The following EPB41L4A variants were observed in gnomAD, a reference collection of about 807,000 sequenced individuals.
EPB41L4A encodes band 4.1-like protein 4A.
EPB41L4A carries 100 observed loss-of-function variants against 108.6 expected under a neutral mutation model. The ratio of observed to expected loss-of-function variants is 0.92; its 90% confidence interval spans 0.78 to 1.09. The LOEUF is 1.09. Ranked by LOEUF, EPB41L4A falls within the 50% of genes least tolerant of loss-of-function variation. The pLI, the probability that EPB41L4A is intolerant of heterozygous loss-of-function variation, is 0.00. For synonymous variants in EPB41L4A, 319 were observed against 289.0 expected (o/e 1.10, Z -1.05); for missense variants, 1,030 against 842.7 (o/e 1.22, Z -2.75).
At chr5:112,275,559 T>C (rs918849555) in intron 3 of EPB41L4A, among the ~76,000 whole-genome samples, 155 bp from the exon 4 acceptor site, 9 of 152,124 alleles carry the variant, frequency 5.9e-5, no homozygotes, top group Non-Finnish European at 1.0e-4. Context: ...ACTGTGACGA[T>C]AGGACCTCGA....
downstream of EPB41L4A, chr5:112,161,392 C>T (rs751656380): frequency 4.1e-5 from 17 of 418,362 alleles, no homozygotes; most frequent in Non-Finnish European, 7.5e-5. Context: ...GAGAAAATTT[C>T]TCTGAAATGT....
chr5:112,376,894 A>T (rs1222197265), intron 1 of EPB41L4A, among the ~76,000 whole-genome samples: 1 of 152,204 alleles, frequency 6.6e-6, no homozygotes, highest in Admixed American at 6.5e-5. Flanking sequence ...GGCAAGGAAG[A>T]GAGTACGTCT....
intron 13 of EPB41L4A, among the ~76,000 whole-genome samples, chr5:112,207,861 G>A (rs1404331593): frequency 6.6e-6 from 1 of 152,138 alleles, no homozygotes; most frequent in Non-Finnish European, 1.5e-5. Context: ...AAGCAGTTTG[G>A]AGATTTCTCA....
chr5:112,182,953 G>C (rs559625637), intron 18 of EPB41L4A, among the ~76,000 whole-genome samples: 1 of 152,122 alleles, frequency 6.6e-6, no homozygotes, highest in Admixed American at 6.5e-5. Context: ...ACTATTTGCA[G>C]GTTTTCTATT....
In EPB41L4A at chr5:112,168,759, CA is replaced by C; in HGVS notation, c.1911del (p.Asp639MetfsTer15). The C allele has an allele frequency of 6.2e-7, 1 of 1,613,960 alleles. No homozygotes were observed. Among genetic ancestry groups the C allele is most frequent in the Non-Finnish European group, 8.5e-7 (1 of 1,179,830 alleles). On this transcript the variant is annotated frameshift_variant, in exon 22 of 23. Transcript: ENST00000261486. LOFTEE classifies it high-confidence loss of function. ...CTAACCTGATGAACTGTAGCATCCC[CA>C]GAACCCTGAGCATCCGAAGAACGGG... ...PVTRSSDAQG[S>X]GDATVHQRRN...
chr5:112,419,078 C>T lies in EPB41L4A; in HGVS notation c.-39G>A. The T allele has an allele frequency of 1.3e-6, 2 of 1,507,002 alleles. No homozygotes were observed. Among genetic ancestry groups the T allele is most frequent in the Non-Finnish European group, 1.8e-6 (2 of 1,084,766 alleles). 93.4% of individuals were successfully genotyped at this position (1,507,002 alleles called of 1,614,324 possible). A position where few individuals can be genotyped will look rare whatever the true frequency, so the allele number is the denominator to read the frequency against. On this transcript the variant is annotated 5_prime_UTR_variant, in exon 1 of 23. Coordinates refer to ENST00000261486, the MANE Select transcript of EPB41L4A (RefSeq NM_022140.5). ...GTCTCCAGCCAGGAGAGAAAGCTACCACCGAGGCGCCCAGCCGCCCCCTCC... is the reference window on the plus strand; with the variant it reads ...GTCTCCAGCCAGGAGAGAAAGCTACTACCGAGGCGCCCAGCCGCCCCCTCC...
At chr5:112,204,193 C>T (rs1561472654) in intron 15 of EPB41L4A, among the ~76,000 whole-genome samples, 182 bp downstream of exon 15, 1 of 151,932 alleles carries the variant, frequency 6.6e-6, no homozygotes, top group East Asian at 1.9e-4. Context: ...TTCTCTAAAA[C>T]TCTGGCTGTT....
At chr5:112,306,980 T>TA (rs1754730210) in intron 2 of EPB41L4A, among the ~76,000 whole-genome samples, 1 of 152,114 alleles carries the variant, frequency 6.6e-6, no homozygotes, top group East Asian at 1.9e-4. Flanking sequence ...CTTTTTTTTT[T>TA]ACACTGTTAT....
chr5:112,176,857 C>T (rs1760895044), intron 18 of EPB41L4A, among the ~76,000 whole-genome samples: 1 of 144,136 alleles, frequency 6.9e-6, no homozygotes, highest in African/African-American at 2.6e-5. Context: ...CAGCTTCAAG[C>T]AATTCTCCTG....
intron 1 of EPB41L4A, among the ~76,000 whole-genome samples, chr5:112,344,146 T>C (rs931420535): frequency 6.6e-6 from 1 of 151,912 alleles, no homozygotes; most frequent in Middle Eastern, 3.2e-3. Context: ...TATGGTTTTT[T>C]AAAAAATAAA....
At chr5:112,383,040 C>T (rs771852288) in intron 1 of EPB41L4A, among the ~76,000 whole-genome samples, 2 of 152,140 alleles carry the variant, frequency 1.3e-5, no homozygotes, top group Admixed American at 1.3e-4. Context: ...GTAATAAATG[C>T]CAATCAAGAC....
In EPB41L4A at chr5:112,320,426, G is replaced by T. The variant is rs191877434; in HGVS notation, c.100-12936C>A. ...AAAGTGACCCAAGAAACATTTCACTGAAGTCATTTTAACATTTATAACCAT... is the reference window on the plus strand; with the variant it reads ...AAAGTGACCCAAGAAACATTTCACTTAAGTCATTTTAACATTTATAACCAT... On this transcript the variant is annotated intron_variant, in intron 1 of 22. Transcript: ENST00000261486. Among the ~76,000 whole-genome samples, 5 of 152,266 alleles carry T rather than the reference G, an allele frequency of 3.3e-5. No homozygotes were observed. The East Asian group carries it at 9.6e-4, about 29-fold the overall frequency.
At chr5:112,181,459 AAAAT>A (rs1318317896) in intron 18 of EPB41L4A, among the ~76,000 whole-genome samples, 1 of 151,864 alleles carries the variant, frequency 6.6e-6, no homozygotes, top group African/African-American at 2.4e-5. Context: ...TCAAAAAAAA[AAAAT>A]AAATAAACAC....
At chr5:112,245,921 G>C (rs1228606321) in intron 9 of EPB41L4A, among the ~76,000 whole-genome samples, 2 of 152,228 alleles carry the variant, frequency 1.3e-5, no homozygotes, top group East Asian at 3.8e-4. Context: ...ACCCAGAAAA[G>C]TCAAATCGAG....
rs1369395616 is a variant in EPB41L4A, at chr5:112,191,417, A to G, written c.1502+3151T>C. 2.0e-5 allele frequency among the ~76,000 whole-genome samples: 3 copies of G among 152,328 alleles called. No individual in the cohort carries two copies. In the East Asian group the frequency reaches 5.8e-4, roughly 29 times the overall value. On this transcript the variant is annotated intron_variant, in intron 17 of 22. Coordinates refer to ENST00000261486, the MANE Select transcript of EPB41L4A (RefSeq NM_022140.5). ...CTAAACAACAATCTTTGCTTCTAAC[A>G]TTAGCCTTCCAGAGCTGGTGTGGAT...
At chr5:112,327,962 T>A (rs1756288070) in intron 1 of EPB41L4A, among the ~76,000 whole-genome samples, 1 of 152,154 alleles carries the variant, frequency 6.6e-6, no homozygotes, top group African/African-American at 2.4e-5. Context: ...TCATCCCTTT[T>A]CATTTTGTTC....
intron 1 of EPB41L4A, among the ~76,000 whole-genome samples, chr5:112,406,526 G>C (rs555538064): frequency 2.6e-5 from 4 of 152,156 alleles, no homozygotes; most frequent in Non-Finnish European, 5.9e-5. Flanking sequence ...CCCTCGAGCA[G>C]AAGACACTCT....
chr5:112,391,982 A>G (rs889721118), intron 1 of EPB41L4A, among the ~76,000 whole-genome samples: 2 of 152,190 alleles, frequency 1.3e-5, no homozygotes, highest in African/African-American at 2.4e-5. Flanking sequence ...ACTAAACTTC[A>G]TAAGTGATAG....
intron 1 of EPB41L4A, among the ~76,000 whole-genome samples, chr5:112,335,329 G>C (rs1716335772): frequency 1.3e-5 from 2 of 152,198 alleles, no homozygotes; most frequent in Non-Finnish European, 2.9e-5. Flanking sequence ...AGCCTTATAA[G>C]AGGAAGATTA....
Sources: gnomAD v4.1 joint callset for allele counts (sites outside exome capture counted in the v4.1 genomes callset) on GRCh38, gnomAD v4.1.1 for gene constraint, MANE v1.5 for transcripts, NCBI Gene and HGNC (gene_info 2026-07-23, HGNC 2026-07-21) for gene names.